The following AEBP2 variants were observed in gnomAD, a reference collection of about 807,000 sequenced individuals.
AEBP2 encodes the protein zinc finger protein AEBP2.
A neutral mutation model predicts 50.8 loss-of-function variants in AEBP2; 10 were observed. That is an observed-to-expected ratio of 0.20 (90% CI 0.12 to 0.33). The LOEUF (loss-of-function observed/expected upper bound fraction) is 0.33, where lower values mean the gene tolerates loss of function less well. Among genes scored for constraint, AEBP2 ranks in the 10% least tolerant of loss-of-function variants. The pLI, the probability that AEBP2 is intolerant of heterozygous loss-of-function variation, is 1.00. For missense variants in AEBP2, 570 were observed against 688.0 expected, an observed-to-expected ratio of 0.83 and a Z score of 1.92; for synonymous variants, 296 against 261.3, an observed-to-expected ratio of 1.13 and a Z score of -1.28.
At chr12:19,476,078 C>T (rs1565721663) in intron 3 of AEBP2, among the ~76,000 whole-genome samples, 1 of 152,044 alleles carries the variant, frequency 6.6e-6, no homozygotes, top group Non-Finnish European at 1.5e-5. Context: ...TAGGTTTCAT[C>T]TGTTTGTTGT....
At chr12:19,453,048 A>G (rs554188038) in intron 1 of AEBP2, among the ~76,000 whole-genome samples, 39 of 142,724 alleles carry the variant, frequency 2.7e-4, no homozygotes, top group Middle Eastern at 4.2e-3. Flanking sequence ...GGCTCATTGC[A>G]AGCTCCGCCT....
intron 2 of AEBP2, among the ~76,000 whole-genome samples, chr12:19,464,297 G>A (rs972215610): frequency 6.6e-6 from 1 of 151,986 alleles, no homozygotes; most frequent in African/African-American, 2.4e-5. Flanking sequence ...TCTGCTTTTT[G>A]TGAGCCAGTG....
chr12:19,518,717 G>A lies in AEBP2; in HGVS notation c.*600G>A, dbSNP rs1949356121. 1 of 1,490,116 alleles carries A rather than the reference G, an allele frequency of 6.7e-7. No individual in the cohort carries two copies. Among genetic ancestry groups the A allele is most frequent in the Non-Finnish European group, 9.1e-7 (1 of 1,102,504 alleles). 92.3% of individuals were successfully genotyped at this position (1,490,116 alleles called of 1,614,324 possible). On this transcript the variant is annotated 3_prime_UTR_variant, in exon 8 of 8. Transcript: ENST00000266508. The stretch of plus-strand genomic sequence containing the variant: ...TGTTCAATTTGTATTTAAGCAAACA[G>A]TGAACGACGTTTGCAATCAACTAAA...
intron 1 of AEBP2, among the ~76,000 whole-genome samples, chr12:19,428,871 G>A (rs2095749958): frequency 6.6e-6 from 1 of 152,146 alleles, no homozygotes; most frequent in Non-Finnish European, 1.5e-5. Flanking sequence ...GGGCCTGGTG[G>A]CACATGCCTG....
At chr12:19,513,576 T>TAGTG in intron 6 of AEBP2, among the ~76,000 whole-genome samples, 1 of 152,210 alleles carries the variant, frequency 6.6e-6, no homozygotes, top group Admixed American at 6.5e-5. Flanking sequence ...CTGGGCAGTA[T>TAGTG]AGTGAATCCT....
intron 3 of AEBP2, among the ~76,000 whole-genome samples, chr12:19,492,955 G>T (rs1442368315): frequency 6.6e-6 from 1 of 152,026 alleles, no homozygotes; most frequent in Non-Finnish European, 1.5e-5. Flanking sequence ...CAGCCTGGGT[G>T]ATAGACTGAG....
At chr12:19,405,789 A>G (rs549668330) in intron 1 of AEBP2, among the ~76,000 whole-genome samples, 1 of 151,846 alleles carries the variant, frequency 6.6e-6, no homozygotes, top group East Asian at 2.0e-4. Flanking sequence ...AAATCAATGA[A>G]CCTATAAACC....
chr12:19,420,082 G>A (rs2095744820), intron 1 of AEBP2, among the ~76,000 whole-genome samples: 1 of 140,516 alleles, frequency 7.1e-6, no homozygotes, highest in African/African-American at 2.7e-5. Flanking sequence ...GGAGTGCAAT[G>A]GCACGATCTC....
chr12:19,459,138 C>T (rs938389654), intron 1 of AEBP2, among the ~76,000 whole-genome samples: 11 of 152,110 alleles, frequency 7.2e-5, no homozygotes, highest in African/African-American at 2.7e-4. Context: ...TAAGTATGTG[C>T]TTTACAGTTG....
At chr12:19,507,660 G>A (rs546882581) in intron 5 of AEBP2, among the ~76,000 whole-genome samples, 30 of 152,212 alleles carry the variant, frequency 2.0e-4, no homozygotes, top group African/African-American at 6.7e-4. Flanking sequence ...TCTGAAGAAT[G>A]ATTTTTTTTC....
chr12:19,500,743 A>G (rs943198589), intron 5 of AEBP2, among the ~76,000 whole-genome samples: 2 of 152,202 alleles, frequency 1.3e-5, no homozygotes, highest in African/African-American at 4.8e-5. Flanking sequence ...ATCTATCCCA[A>G]GTGCCTAGAA....
intron 1 of AEBP2, among the ~76,000 whole-genome samples, chr12:19,414,752 G>A (rs2095741314): frequency 1.3e-5 from 2 of 152,162 alleles, no homozygotes; most frequent in South Asian, 4.1e-4. Flanking sequence ...GTCAAACCTC[G>A]TCTGTACCAA....
chr12:19,516,457 T>G (rs1949319654), intron 7 of AEBP2, among the ~76,000 whole-genome samples: 1 of 152,226 alleles, frequency 6.6e-6, no homozygotes, highest in African/African-American at 2.4e-5. Context: ...TGCATCCTGC[T>G]TCCTTCTTTC....
chr12:19,451,663 C>T (rs572880300), intron 1 of AEBP2, among the ~76,000 whole-genome samples: 5 of 149,146 alleles, frequency 3.4e-5, no homozygotes, highest in Admixed American at 2.7e-4. Context: ...AGGATGGGGT[C>T]TTTCAAAAGT....
chr12:19,423,093 A>AAAAAAAAG (rs1565697035), intron 1 of AEBP2, among the ~76,000 whole-genome samples: 1 of 150,254 alleles, frequency 6.7e-6, no homozygotes, highest in Non-Finnish European at 1.5e-5. Flanking sequence ...AAAAAAAAAA[A>AAAAAAAAG]AGAACATCTG....
chr12:19,509,820 CTTTTTTT>C (rs57103167), intron 5 of AEBP2, among the ~76,000 whole-genome samples: 11 of 68,774 alleles, frequency 1.6e-4, no homozygotes, highest in South Asian at 7.0e-4. Context: ...TGGCTACTTT[CTTTTTTT>C]TTTTTTTTTT....
chr12:19,497,243 T>C lies in AEBP2; in HGVS notation c.1175-2854T>C, dbSNP rs376177384. On this transcript the variant is annotated intron_variant, in intron 4 of 7. Coordinates refer to ENST00000266508, the MANE Select transcript of AEBP2 (RefSeq NM_153207.5). ...TTCTGCATAACCACATCATCATCAT[T>C]ACACCTAAGGAGAAGATAAATCATA... is the stretch of plus-strand genomic sequence containing the variant. Among the ~76,000 whole-genome samples the C allele has an allele frequency of 2.7e-5, 4 of 150,648 alleles. No homozygotes were observed. In the South Asian group the frequency reaches 8.4e-4, roughly 31 times the overall value.
intron 1 of AEBP2, among the ~76,000 whole-genome samples, chr12:19,446,592 C>T (rs1309335749): frequency 2.0e-5 from 3 of 152,014 alleles, no homozygotes; most frequent in East Asian, 1.9e-4. Context: ...ATTAGCTGGG[C>T]GTGGTGGCGG....
intron 1 of AEBP2, chr12:19,456,678 T>C: frequency 6.4e-7 from 1 of 1,569,614 alleles, no homozygotes; most frequent in Non-Finnish European, 8.8e-7. Context: ...ATGACGAACA[T>C]CCTTGACAGA....
Sources: gnomAD v4.1 joint callset for allele counts (sites outside exome capture counted in the v4.1 genomes callset) on GRCh38, gnomAD v4.1.1 for gene constraint, MANE v1.5 for transcripts, NCBI Gene and HGNC (gene_info 2026-07-23, HGNC 2026-07-21) for gene names.